ADGRB3: variants seen among roughly 807,000 people sequenced by gnomAD.
ADGRB3 encodes the protein adhesion G protein-coupled receptor B3.
Under a neutral mutation model 193.4 loss-of-function variants are expected in ADGRB3, and 37 were observed. That is an observed-to-expected ratio of 0.19 (90% CI 0.15 to 0.25). ADGRB3 has a LOEUF of 0.25. ADGRB3 is among the 10% of genes least tolerant of loss of function. The pLI is 1.00. For missense variants in ADGRB3, 1,637 were observed against 1,852.9 expected (o/e 0.88, Z 2.14); for synonymous variants, 690 against 644.2 (o/e 1.07, Z -1.08).
chr6:68,848,143 C>G (rs6921402), intron 3 of ADGRB3, among the ~76,000 whole-genome samples: 1 of 151,690 alleles, frequency 6.6e-6, no homozygotes. Context: ...GGATTAAAAA[C>G]TTTTAAACAT....
intron 3 of ADGRB3, among the ~76,000 whole-genome samples, chr6:68,820,123 C>T (rs1229000839): frequency 6.6e-6 from 1 of 152,008 alleles, no homozygotes; most frequent in Admixed American, 6.6e-5. Context: ...CTACCTTCTA[C>T]TGGGTACTCA....
chr6:69,387,475 A>G (rs538960781), intron 31 of ADGRB3, among the ~76,000 whole-genome samples: 46 of 149,954 alleles, frequency 3.1e-4, no homozygotes, highest in African/African-American at 9.2e-4. Context: ...TCTTCCCCAT[A>G]TATTCTCAGA....
At chr6:68,972,103 G>T (rs1298201557) in intron 8 of ADGRB3, among the ~76,000 whole-genome samples, 1 of 152,182 alleles carries the variant, frequency 6.6e-6, no homozygotes, top group Non-Finnish European at 1.5e-5. Context: ...TTCACTACTG[G>T]TGGCTGCTGT....
intron 17 of ADGRB3, among the ~76,000 whole-genome samples, chr6:69,106,028 C>T (rs1020085644): frequency 2.0e-5 from 3 of 151,480 alleles, no homozygotes; most frequent in African/African-American, 7.3e-5. Context: ...CTGAGCTACT[C>T]GGGAGGCTGA....
chr6:68,756,406 T>C (rs562875356), intron 3 of ADGRB3, among the ~76,000 whole-genome samples: 1 of 152,290 alleles, frequency 6.6e-6, no homozygotes, highest in South Asian at 2.1e-4. Context: ...GCACTTTGAA[T>C]CCAAGGGGGA....
chr6:68,683,732 A>C (rs1764936199), intron 3 of ADGRB3, among the ~76,000 whole-genome samples: 1 of 152,296 alleles, frequency 6.6e-6, no homozygotes, highest in Middle Eastern at 3.4e-3. Flanking sequence ...TTGTGAGCAG[A>C]GAAGTGACGT....
chr6:69,030,242 G>A (rs752024046), intron 13 of ADGRB3, among the ~76,000 whole-genome samples: 1 of 152,068 alleles, frequency 6.6e-6, no homozygotes, highest in African/African-American at 2.4e-5. Flanking sequence ...AATACCACTT[G>A]ACCCAGCAAT....
chr6:69,302,121 A>G (rs1767960440), intron 20 of ADGRB3, among the ~76,000 whole-genome samples: 1 of 151,976 alleles, frequency 6.6e-6, no homozygotes, highest in Non-Finnish European at 1.5e-5. Context: ...CTGCCTGAAC[A>G]GGTTTTTAAT....
At chr6:69,043,286 AAG>A (rs10632969) in intron 13 of ADGRB3, among the ~76,000 whole-genome samples, 1 of 124,142 alleles carries the variant, frequency 8.1e-6, no homozygotes, top group African/African-American at 3.0e-5. Context: ...GAAAGGAAGA[AAG>A]AGAGAAAGAA....
At chr6:69,122,587 A>G (rs1294300568) in intron 17 of ADGRB3, among the ~76,000 whole-genome samples, 2 of 150,602 alleles carry the variant, frequency 1.3e-5, no homozygotes, top group African/African-American at 4.9e-5. Flanking sequence ...CAAAGTAGGG[A>G]TGGGATCTCT....
chr6:69,145,366 T>C (rs534522369), intron 17 of ADGRB3, among the ~76,000 whole-genome samples: 13 of 152,270 alleles, frequency 8.5e-5, no homozygotes, highest in African/African-American at 2.9e-4. Flanking sequence ...CAGCTGGCAC[T>C]GGGGAATGTG....
intron 3 of ADGRB3, among the ~76,000 whole-genome samples, chr6:68,921,343 C>G (rs749582892): frequency 6.6e-6 from 1 of 152,040 alleles, no homozygotes; most frequent in Non-Finnish European, 1.5e-5. Context: ...AGTGTATCAA[C>G]AAGGCAGGAA....
At position 68,684,047 on chromosome 6, in the gene ADGRB3, G is replaced by A. The variant is rs139482607; in HGVS notation, c.757+44615G>A. ...ACTTGATATGTTATTAAGAAAAACT[G>A]GAAATATAGATTTTTTATTAATTTT... is the stretch of plus-strand genomic sequence containing the variant. On this transcript the variant is annotated intron_variant, in intron 3 of 31. Coordinates refer to ENST00000370598, the MANE Select transcript of ADGRB3 (RefSeq NM_001704.3). Among the ~76,000 whole-genome samples, 582 of 152,226 alleles carry A rather than the reference G, an allele frequency of 3.8e-3. 3 individuals are homozygous for A. Among genetic ancestry groups the A allele is most frequent in the African/African-American group, 0.013 (552 of 41,534 alleles).
chr6:69,204,062 T>C (rs143887482), intron 17 of ADGRB3, among the ~76,000 whole-genome samples: 176 of 152,234 alleles, frequency 1.2e-3, no homozygotes, highest in Middle Eastern at 3.4e-3. Context: ...TAATAACTGG[T>C]ATTTACCAAC....
At chr6:68,936,121 A>G (rs180766833) in intron 4 of ADGRB3, among the ~76,000 whole-genome samples, 1 of 152,308 alleles carries the variant, frequency 6.6e-6, no homozygotes, top group East Asian at 1.9e-4. Context: ...ACACATCAAT[A>G]TATTCCTGCC....
At chr6:68,911,647 G>A (rs148503473) in intron 3 of ADGRB3, among the ~76,000 whole-genome samples, 1,785 of 152,180 alleles carry the variant, frequency 0.012, 33 homozygotes, top group African/African-American at 0.04. Context: ...CAAAAGGGAC[G>A]TGAAACTTAA....
At chr6:69,047,260 G>C (rs676505) in intron 13 of ADGRB3, among the ~76,000 whole-genome samples, 43,877 of 151,912 alleles carry the variant, frequency 0.29, 8,384 homozygotes, top group East Asian at 0.89. Flanking sequence ...ATATGATATA[G>C]AACAAGTGTG....
intron 3 of ADGRB3, among the ~76,000 whole-genome samples, chr6:68,777,188 G>A (rs1317252296): frequency 1.3e-5 from 2 of 152,090 alleles, no homozygotes; most frequent in Non-Finnish European, 2.9e-5. Context: ...GTAATAGCAT[G>A]TAAGTGTGTG....
At chr6:69,031,700 C>T (rs776453969) in intron 13 of ADGRB3, among the ~76,000 whole-genome samples, 4 of 150,658 alleles carry the variant, frequency 2.7e-5, no homozygotes, top group Non-Finnish European at 5.9e-5. Flanking sequence ...AGTGGCATGA[C>T]TTCAGCTCAC....
Sources: gnomAD v4.1 joint callset for allele counts (sites outside exome capture counted in the v4.1 genomes callset) on GRCh38, gnomAD v4.1.1 for gene constraint, MANE v1.5 for transcripts, NCBI Gene and HGNC (gene_info 2026-07-23, HGNC 2026-07-21) for gene names.